PREX1: variants seen among roughly 807,000 people sequenced by gnomAD.
The protein encoded by PREX1 is phosphatidylinositol-3,4,5-trisphosphate dependent Rac exchange factor 1.
A neutral mutation model predicts 198.3 loss-of-function variants in PREX1; 41 were observed. The observed-to-expected ratio is 0.21, with a 90% CI of 0.16 to 0.27. The LOEUF is 0.27. PREX1 is among the 10% of genes least tolerant of loss of function. The probability of loss-of-function intolerance (pLI) is 1.00; values close to 1 mark genes in which losing one functional copy is unlikely to be tolerated. For synonymous variants in PREX1, 843 were observed against 887.2 expected, an observed-to-expected ratio of 0.95 and a Z score of 0.89; for missense variants, 1,620 against 2,200.7, an observed-to-expected ratio of 0.74 and a Z score of 5.28.
In PREX1 at chr20:48,641,089, TG is replaced by T. The variant is rs540964247; in HGVS notation, c.3775+1078del. ...ATGGGTGGATGCACGGATAGTAGGT[TG>T]GGTGGATGAGTAGGGTGGGTAGGTG... On this transcript the variant is annotated intron_variant, in intron 29 of 39. Transcript: ENST00000371941. Among the ~76,000 whole-genome samples the T allele has an allele frequency of 3.4e-4, 51 of 151,218 alleles. No individual in the cohort carries two copies. The South Asian group carries it at 8.6e-3, about 26-fold the overall frequency.
chr20:48,689,236 C>A (rs982913195), intron 9 of PREX1, among the ~76,000 whole-genome samples: 1 of 152,206 alleles, frequency 6.6e-6, no homozygotes, highest in African/African-American at 2.4e-5. Flanking sequence ...CCAGCCAACA[C>A]TCATAGGACC....
intron 1 of PREX1, among the ~76,000 whole-genome samples, chr20:48,806,084 C>G (rs963739688): frequency 6.6e-6 from 1 of 152,184 alleles, no homozygotes; most frequent in Non-Finnish European, 1.5e-5. Context: ...TCCCTGGACT[C>G]TACCTGCTTC....
At chr20:48,843,265 A>G in the PREX1 span, among the ~76,000 whole-genome samples, 4 of 152,222 alleles carry the variant, frequency 2.6e-5, no homozygotes, top group East Asian at 7.7e-4. Context: ...GGCTGGATCC[A>G]GGTGCTCAAA....
At chr20:48,769,961 C>G (rs1301184639) in intron 1 of PREX1, among the ~76,000 whole-genome samples, 1 of 152,192 alleles carries the variant, frequency 6.6e-6, no homozygotes, top group Admixed American at 6.5e-5. Flanking sequence ...AGCCTGGACA[C>G]TCAGTACACA....
At chr20:48,723,539 G>T (rs1315073179) in intron 5 of PREX1, among the ~76,000 whole-genome samples, 1 of 152,088 alleles carries the variant, frequency 6.6e-6, no homozygotes, top group African/African-American at 2.4e-5. Flanking sequence ...CTCCCAAACA[G>T]CACCCCCCAC....
rs1482126882 is a variant in PREX1 at position 48,745,258 on chromosome 20, ACT to A, written c.292-113_292-112del. On this transcript the variant is annotated intron_variant, in intron 2 of 39. Coordinates refer to ENST00000371941, the MANE Select transcript of PREX1 (RefSeq NM_020820.4). Reference sequence around the variant, plus strand: ...CGGGTGACATTGTAGTCAAAGAAGAACTCTCAAACACCGGAACTGGTTTACCA... The same window carrying A: ...CGGGTGACATTGTAGTCAAAGAAGAACTCAAACACCGGAACTGGTTTACCA... 21 of 1,169,088 alleles carry A rather than the reference ACT, an allele frequency of 1.8e-5. No individual in the cohort carries two copies. In the African/African-American group the frequency reaches 3.2e-4, roughly 18 times the overall value. The allele number at this position is 1,169,088 out of a possible 1,614,324, so 72.4% of individuals were successfully genotyped here.
At chr20:48,737,499 T>A (rs2090062302) in intron 3 of PREX1, among the ~76,000 whole-genome samples, 1 of 152,156 alleles carries the variant, frequency 6.6e-6, no homozygotes, top group Admixed American at 6.5e-5. Flanking sequence ...GTATTGTGAC[T>A]ATTTGATGAA....
chr20:48,681,181 G>T, intron 11 of PREX1, 54 bp downstream of exon 11: 1 of 1,444,176 alleles, frequency 6.9e-7, no homozygotes, highest in Non-Finnish European at 9.7e-7. Context: ...TGGCACAGTT[G>T]GGGTCTGACC....
Position 48,679,392 on chromosome 20 carries a change from G to A in PREX1, c.1557C>T (p.Cys519=). The A allele has an allele frequency of 1.9e-6, 3 of 1,613,606 alleles. No individual in the cohort carries two copies. The highest frequency in any genetic ancestry group is 1.7e-4 in the Middle Eastern group (1 of 6,050). ...DIMSKGVRLY[C]RLHSLYTPVI... is the part of the protein sequence containing the mutation. ...CCGGGGTGTAGAGGCTGTGAAGACG[G>A]CAGTAAAGCCTCACACCCTGAAAGA... The change falls in exon 13 of 40, where the codon TGC becomes TGT. Residue 519 remains cysteine, a synonymous_variant. Transcript: ENST00000371941.
chr20:48,866,243 T>A, the PREX1 span, among the ~76,000 whole-genome samples: 4 of 152,158 alleles, frequency 2.6e-5, no homozygotes, highest in Non-Finnish European at 4.4e-5. Context: ...TAATGTTTTT[T>A]AAAAAATATT....
intron 4 of PREX1, among the ~76,000 whole-genome samples, chr20:48,728,437 G>A (rs532072398): frequency 6.6e-6 from 1 of 152,238 alleles, no homozygotes; most frequent in African/African-American, 2.4e-5. Flanking sequence ...GCCTCTTAGG[G>A]ATCACAATAA....
chr20:48,818,248 G>A (rs964108559), intron 1 of PREX1, among the ~76,000 whole-genome samples: 1 of 152,152 alleles, frequency 6.6e-6, no homozygotes, highest in Non-Finnish European at 1.5e-5. Flanking sequence ...CTGGATAATG[G>A]GGATGACTGC....
chr20:48,667,888 G>A (rs1028464878), intron 14 of PREX1, among the ~76,000 whole-genome samples: 2 of 152,292 alleles, frequency 1.3e-5, no homozygotes, highest in Middle Eastern at 3.4e-3. Context: ...ACACTTGAGT[G>A]GAGGACCCCA....
rs970644562 is a variant in PREX1, at chr20:48,779,433, A to G, written c.220-31553T>C. Among the ~76,000 whole-genome samples, 10 of 152,196 alleles carry G rather than the reference A, an allele frequency of 6.6e-5. 1 individual carries two copies. Among genetic ancestry groups the G allele is most frequent in the Admixed American group, 4.6e-4 (7 of 15,284 alleles). On this transcript the variant is annotated intron_variant, in intron 1 of 39. Coordinates refer to ENST00000371941, the MANE Select transcript of PREX1 (RefSeq NM_020820.4). ...CAGCATCTTTGGAAAACTTCCCACAAAGTTTTTTGGCAGCTTCCCATAAAG... is the reference window on the plus strand; with the variant it reads ...CAGCATCTTTGGAAAACTTCCCACAGAGTTTTTTGGCAGCTTCCCATAAAG...
intron 5 of PREX1, among the ~76,000 whole-genome samples, chr20:48,715,819 G>A (rs564722317): frequency 1.3e-5 from 2 of 152,268 alleles, no homozygotes; most frequent in East Asian, 1.9e-4. Context: ...AGCACTGCTC[G>A]AAATTTAAGT....
intron 5 of PREX1, among the ~76,000 whole-genome samples, chr20:48,713,517 C>T (rs1009577482): frequency 2.0e-5 from 3 of 151,984 alleles, no homozygotes; most frequent in South Asian, 2.1e-4. Context: ...GAATTGTAGG[C>T]GGTGGCCAGC....
At chr20:48,784,080 C>T (rs551534883) in intron 1 of PREX1, among the ~76,000 whole-genome samples, 38 of 152,274 alleles carry the variant, frequency 2.5e-4, no homozygotes, top group African/African-American at 8.9e-4. Context: ...AAGCTATAAA[C>T]AAATAAAGAC....
In PREX1 at chr20:48,642,138, G is replaced by A. The variant is rs764485533; in HGVS notation, c.3775+30C>T. 2.5e-6 allele frequency: 4 copies of A among 1,603,966 alleles called. No individual in the cohort carries two copies. The East Asian group carries it at 6.7e-5, about 27-fold the overall frequency. ...TGTCTAACACCCTTCCCCATCGCAG[G>A]CTGTCACCTTGGACTGGCTATCCCC... On this transcript the variant is annotated intron_variant, in intron 29 of 39. Coordinates refer to ENST00000371941, the MANE Select transcript of PREX1 (RefSeq NM_020820.4).
At chr20:48,776,979 G>A (rs566276696) in intron 1 of PREX1, among the ~76,000 whole-genome samples, 1 of 152,232 alleles carries the variant, frequency 6.6e-6, no homozygotes, top group East Asian at 1.9e-4. Flanking sequence ...AACACCCTGC[G>A]ATGTGCGAAA....
Sources: gnomAD v4.1 joint callset for allele counts (sites outside exome capture counted in the v4.1 genomes callset) on GRCh38, gnomAD v4.1.1 for gene constraint, MANE v1.5 for transcripts, NCBI Gene and HGNC (gene_info 2026-07-23, HGNC 2026-07-21) for gene names.